KLF8: variants seen among roughly 807,000 people sequenced by gnomAD.
KLF8 encodes Krueppel-like factor 8.
In KLF8, 10 loss-of-function variants were observed where a neutral mutation model predicts 18.2. That is an observed-to-expected ratio of 0.55 (90% CI 0.34 to 0.93). The LOEUF is 0.93. Among genes scored for constraint, KLF8 ranks in the 40% least tolerant of loss-of-function variants. The pLI is 0.02. For missense variants in KLF8, 264 were observed against 277.9 expected, an observed-to-expected ratio of 0.95 and a Z score of 0.36; for synonymous variants, 109 against 97.3, an observed-to-expected ratio of 1.12 and a Z score of -0.71.
At chrX:56,077,458 G>A in the KLF8 span, among the ~76,000 whole-genome samples, 8 of 111,665 alleles carry the variant, frequency 7.2e-5, 1 homozygote, top group Admixed American at 7.6e-4. Flanking sequence ...TTGTAGACAT[G>A]CAGCATTGTT....
intron 3 of KLF8, chrX:56,268,505 A>C (rs1226943246): frequency 3.3e-5 from 4 of 120,264 alleles, no homozygotes; most frequent in Non-Finnish European, 3.3e-5. Context: ...ACTCTAACTT[A>C]AGTGAGATGA....
At chrX:56,131,568 A>T in the KLF8 span, among the ~76,000 whole-genome samples, 1 of 111,294 alleles carries the variant, frequency 9.0e-6, no homozygotes, top group Admixed American at 9.6e-5. Flanking sequence ...GACCATAAAC[A>T]AAATACAATT....
chrX:56,262,487 C>T (rs955374461), intron 2 of KLF8, among the ~76,000 whole-genome samples: 16 of 111,109 alleles, frequency 1.4e-4, no homozygotes, highest in Non-Finnish European at 2.6e-4. Flanking sequence ...TTGCCAAAGT[C>T]GTGTTTATTT....
At chrX:56,107,525 C>A in the KLF8 span, among the ~76,000 whole-genome samples, 95 of 111,988 alleles carry the variant, frequency 8.5e-4, no homozygotes, top group Non-Finnish European at 1.6e-3. Flanking sequence ...ACCCGCCAAG[C>A]CCGGCACTGG....
At chrX:55,942,077 T>C in the KLF8 span, among the ~76,000 whole-genome samples, 1 of 111,552 alleles carries the variant, frequency 9.0e-6, no homozygotes, top group African/African-American at 3.3e-5. Context: ...CGTATGTTGA[T>C]TGTGGCACTA....
chrX:56,202,558 T>A, the KLF8 span, among the ~76,000 whole-genome samples: 2 of 49,873 alleles, frequency 4.0e-5, no homozygotes, highest in Admixed American at 3.3e-4. Flanking sequence ...ACCATTAACC[T>A]TCCCCCCCCC....
At chrX:56,182,840 C>T in the KLF8 span, among the ~76,000 whole-genome samples, 1 of 112,256 alleles carries the variant, frequency 8.9e-6, no homozygotes, top group Non-Finnish European at 1.9e-5. Context: ...AGCTTCATCT[C>T]AGAGTGGCAC....
the KLF8 span, among the ~76,000 whole-genome samples, chrX:56,044,254 G>T: frequency 9.0e-6 from 1 of 111,720 alleles, no homozygotes; most frequent in Non-Finnish European, 1.9e-5. Context: ...GGAGGTCCCC[G>T]TTAGGACCTC....
chrX:56,211,578 G>A, the KLF8 span, among the ~76,000 whole-genome samples: 1 of 112,238 alleles, frequency 8.9e-6, no homozygotes, highest in Non-Finnish European at 1.9e-5. Flanking sequence ...CAGTTAGCAG[G>A]TTGCAAAGCC....
chrX:55,922,312 A>G, the KLF8 span, among the ~76,000 whole-genome samples: 1 of 112,773 alleles, frequency 8.9e-6, no homozygotes, highest in Non-Finnish European at 1.9e-5. Flanking sequence ...TGTCCTTTGT[A>G]GGACATGGAT....
At chrX:56,141,158 G>T in the KLF8 span, among the ~76,000 whole-genome samples, 74 of 111,213 alleles carry the variant, frequency 6.7e-4, 1 homozygote, top group Non-Finnish European at 1.2e-3. Context: ...GTAGAGACAG[G>T]GTTTCACCAT....
At chrX:56,059,551 C>T in the KLF8 span, among the ~76,000 whole-genome samples, 3 of 111,819 alleles carry the variant, frequency 2.7e-5, no homozygotes, top group Non-Finnish European at 5.6e-5. Flanking sequence ...GGAAGGGGTC[C>T]AGTTTCAGTT....
At chrX:56,119,647 G>A in the KLF8 span, among the ~76,000 whole-genome samples, 5 of 109,803 alleles carry the variant, frequency 4.6e-5, no homozygotes, top group East Asian at 2.9e-4. Flanking sequence ...TGATCCACCC[G>A]CCTTTGCCTC....
the KLF8 span, among the ~76,000 whole-genome samples, chrX:56,208,447 T>C: frequency 8.9e-6 from 1 of 112,218 alleles, no homozygotes. Context: ...TCACTGCTTT[T>C]TTATGCTTTA....
the KLF8 span, among the ~76,000 whole-genome samples, chrX:55,934,218 C>T: frequency 2.7e-5 from 3 of 111,600 alleles, no homozygotes; most frequent in Non-Finnish European, 3.8e-5. Context: ...ATTTCTGTTA[C>T]CTATCAGAGT....
the KLF8 span, among the ~76,000 whole-genome samples, chrX:56,217,647 T>C: frequency 1.8e-5 from 2 of 111,119 alleles, no homozygotes; most frequent in Non-Finnish European, 1.9e-5. Context: ...TCTCAATCTC[T>C]TGACCTTGTG....
the KLF8 span, among the ~76,000 whole-genome samples, chrX:56,133,618 C>T: frequency 7.2e-5 from 8 of 111,184 alleles, no homozygotes; most frequent in South Asian, 3.0e-3. Context: ...ACAAGGATGC[C>T]CACTCTCACC....
the KLF8 span, among the ~76,000 whole-genome samples, chrX:56,186,655 T>A: frequency 2.7e-5 from 3 of 111,254 alleles, no homozygotes; most frequent in South Asian, 3.8e-4. Flanking sequence ...ATGTAAAAGA[T>A]CAGAAATTAT....
the KLF8 span, among the ~76,000 whole-genome samples, chrX:56,158,926 G>T: frequency 1.2e-3 from 129 of 111,542 alleles, no homozygotes; most frequent in Middle Eastern, 4.6e-3. Context: ...ACACTATGTT[G>T]AATAGGAGTG....
Sources: allele counts gnomAD v4.1 joint callset (sites outside exome capture counted in the v4.1 genomes callset), GRCh38; gene constraint gnomAD v4.1.1; transcripts MANE v1.5; gene names NCBI Gene and HGNC (gene_info 2026-07-23, HGNC 2026-07-21).